TRIM14: variants seen among roughly 807,000 people sequenced by gnomAD.
TRIM14 encodes the protein tripartite motif containing 14.
TRIM14 carries 28 observed loss-of-function variants against 44.5 expected under a neutral mutation model. The observed-to-expected ratio is 0.63, with a 90% CI of 0.47 to 0.86. The LOEUF (loss-of-function observed/expected upper bound fraction) is 0.86, where lower values mean the gene tolerates loss of function less well. Among genes scored for constraint, TRIM14 ranks in the 40% least tolerant of loss-of-function variants. The pLI, the probability that TRIM14 is intolerant of heterozygous loss-of-function variation, is 0.00. For synonymous variants in TRIM14, 299 were observed against 269.2 expected (o/e 1.11, Z -1.08); for missense variants, 607 against 611.1 (o/e 0.99, Z 0.07).
rs1434402856 is a variant in TRIM14 at position 98,094,961 on chromosome 9, G to A, written c.606C>T (p.Pro202=). ...AGCTCTTGACGGGCTCAAAGGAGAG[G>A]GGCACGGGATGGCACAGCTCCCCGA... The part of the protein sequence containing the change: ...MSLGELCHPV[P]LSFEPVKSFF... The change falls in exon 4 of 6, where the codon CCC becomes CCT. Residue 202 remains proline (P), a synonymous_variant. Transcript: ENST00000341469. 1.2e-6 allele frequency: 2 copies of A among 1,614,166 alleles called. No homozygotes were observed. Among genetic ancestry groups the A allele is most frequent in the Non-Finnish European group, 8.5e-7 (1 of 1,180,032 alleles).
the TRIM14 span, among the ~76,000 whole-genome samples, chr9:98,042,635 G>A: frequency 6.6e-6 from 1 of 152,156 alleles, no homozygotes; most frequent in Non-Finnish European, 1.5e-5. Flanking sequence ...ACTTTGGGAG[G>A]CCGAGGAGGG....
chr9:98,111,506 A>G (rs1489516911), intron 1 of TRIM14, among the ~76,000 whole-genome samples: 3 of 152,220 alleles, frequency 2.0e-5, no homozygotes, highest in Non-Finnish European at 2.9e-5. Flanking sequence ...TTCACAGGCT[A>G]TAGAAATGAT....
chr9:98,107,530 T>A (rs1461394275), intron 2 of TRIM14, among the ~76,000 whole-genome samples: 2 of 152,208 alleles, frequency 1.3e-5, no homozygotes, highest in East Asian at 1.9e-4. Context: ...TTCTGCTGAG[T>A]GAAAAATACC....
At chr9:98,111,738 G>A (rs1354611825) in intron 1 of TRIM14, among the ~76,000 whole-genome samples, 5 of 152,218 alleles carry the variant, frequency 3.3e-5, no homozygotes, top group African/African-American at 7.2e-5. Flanking sequence ...TCAGGGGTTC[G>A]AGACAGCCTG....
chr9:98,094,359 G>A (rs1220195492), intron 4 of TRIM14, among the ~76,000 whole-genome samples: 1 of 152,198 alleles, frequency 6.6e-6, no homozygotes, highest in Non-Finnish European at 1.5e-5. Context: ...CAAGGGGCAA[G>A]GAGGGGGGTC....
the TRIM14 span, among the ~76,000 whole-genome samples, chr9:98,050,988 G>A: frequency 1.3e-5 from 2 of 152,074 alleles, no homozygotes. Context: ...TGGCCAGGAC[G>A]ATCTCGAACT....
At chr9:98,083,358 G>A (rs1279930949), downstream of TRIM14, among the ~76,000 whole-genome samples, 1 of 152,250 alleles carries the variant, frequency 6.6e-6, no homozygotes, top group African/African-American at 2.4e-5. Flanking sequence ...CCAGTTGCTG[G>A]GTGGCTGCAG....
At chr9:98,077,502 A>T (rs900712531) in intron 6 of TRIM14, among the ~76,000 whole-genome samples, 20 of 152,052 alleles carry the variant, frequency 1.3e-4, no homozygotes, top group Admixed American at 8.5e-4. Flanking sequence ...GAGCCACTGC[A>T]CCTGTCCTAG....
downstream of TRIM14, among the ~76,000 whole-genome samples, chr9:98,065,330 G>GA (rs1390934021): frequency 3.0e-5 from 1 of 33,554 alleles, no homozygotes; most frequent in Non-Finnish European, 5.6e-5. Flanking sequence ...TTTTTTTTTT[G>GA]AAACAGAGTT....
At chr9:98,108,158 C>A (rs147219943) in intron 2 of TRIM14, among the ~76,000 whole-genome samples, 1 of 147,580 alleles carries the variant, frequency 6.8e-6, no homozygotes, top group Non-Finnish European at 1.5e-5. Flanking sequence ...TCAAGGTACA[C>A]AAAACTCTAC....
At chr9:98,076,621 C>T (rs1370409850) in intron 6 of TRIM14, 9 of 323,428 alleles carry the variant, frequency 2.8e-5, no homozygotes, top group Admixed American at 5.6e-5. Flanking sequence ...GTGATCTGCC[C>T]GCCTCGGCCT....
intron 1 of TRIM14, among the ~76,000 whole-genome samples, chr9:98,118,349 G>T (rs752309792): frequency 6.6e-6 from 1 of 152,138 alleles, no homozygotes; most frequent in Non-Finnish European, 1.5e-5. Flanking sequence ...TGGGTTCAAG[G>T]CCTGCCCCTG....
intron 1 of TRIM14, among the ~76,000 whole-genome samples, chr9:98,115,486 G>T (rs1827016946): frequency 6.6e-6 from 1 of 152,140 alleles, no homozygotes; most frequent in South Asian, 2.1e-4. Context: ...CTGACCTCGT[G>T]ATCCACCCAC....
At chr9:98,061,991 C>G in the TRIM14 span, among the ~76,000 whole-genome samples, 2 of 151,556 alleles carry the variant, frequency 1.3e-5, no homozygotes, top group Non-Finnish European at 2.9e-5. Context: ...GGAGGCTGAG[C>G]TGGAAGGACT....
In TRIM14 at chr9:98,087,609, T is replaced by C. The variant is rs1825829447; in HGVS notation, c.1190A>G (p.Tyr397Cys). The C allele has an allele frequency of 6.2e-7, 1 of 1,601,664 alleles. No individual in the cohort carries two copies. The highest frequency in any genetic ancestry group is 8.5e-7 in the Non-Finnish European group (1 of 1,177,440). The change falls in exon 6 of 6, where the codon TAC (tyrosine) becomes TGC (cysteine). Residue 397 changes from tyrosine to cysteine, a missense_variant. Physicochemically the swap from Tyr to Cys is radical, Grantham distance 194. Coordinates refer to ENST00000341469, the MANE Select transcript of TRIM14 (RefSeq NM_014788.4). ...GTAGAAGGCGAGGACGCCGGCCTCG[T>C]AGTCCAGGAAGACGCCGAGCCGGTC... ...DLDRLGVFLD[Y>C]EAGVLAFYDV...
the TRIM14 span, among the ~76,000 whole-genome samples, chr9:98,037,237 G>C: frequency 1.3e-5 from 2 of 152,166 alleles, no homozygotes; most frequent in African/African-American, 4.8e-5. Flanking sequence ...AATAAGCTGG[G>C]TGTGGTGGCA....
the TRIM14 span, among the ~76,000 whole-genome samples, chr9:98,047,399 C>T: frequency 6.6e-6 from 1 of 152,002 alleles, no homozygotes; most frequent in Admixed American, 6.6e-5. Context: ...TAAATTAGTA[C>T]CAGTAGAGTG....
At chr9:98,109,219 C>A (rs778920539) in intron 2 of TRIM14, among the ~76,000 whole-genome samples, 8 of 150,966 alleles carry the variant, frequency 5.3e-5, no homozygotes, top group Non-Finnish European at 8.8e-5. Flanking sequence ...GCCCTCACTG[C>A]GAGGAGGGAG....
chr9:98,119,101 G>C lies in TRIM14; in HGVS notation c.88C>G (p.Arg30Gly), dbSNP rs766418352. Residue 30 changes from arginine to glycine, a missense_variant, in exon 1 of 6, where the codon CGC becomes GGC. Arg to Gly is a moderately radical substitution (Grantham distance 125, BLOSUM62 -2). Around this residue, in one of 3 missense-constraint regions of TRIM14, gnomAD observed 246 missense variants for 270.8 expected, o/e 0.91. Coordinates refer to ENST00000341469, the MANE Select transcript of TRIM14 (RefSeq NM_014788.4). The part of the protein sequence containing the change: ...CGWRCPEHGD[R>G]VAELFCRRCR... ...CGGCGACAGAAGAGCTCAGCCACGC[G>C]GTCGCCATGCTCCGGGCAGCGCCAG... The C allele has an allele frequency of 2.0e-5, 32 of 1,586,928 alleles. No individual in the cohort carries two copies. The South Asian group carries it at 3.5e-4, about 17-fold the overall frequency.
Sources: allele counts gnomAD v4.1 joint callset (sites outside exome capture counted in the v4.1 genomes callset), GRCh38; gene constraint gnomAD v4.1.1; regional missense constraint gnomAD v4.1.1; transcripts MANE v1.5; gene names NCBI Gene and HGNC (gene_info 2026-07-23, HGNC 2026-07-21).